The following CCSER1 variants were observed in gnomAD, a reference collection of about 807,000 sequenced individuals.
The protein encoded by CCSER1 is serine-rich coiled-coil domain-containing protein 1.
In CCSER1, 41 loss-of-function variants were observed where a neutral mutation model predicts 82.0. The ratio of observed to expected loss-of-function variants is 0.50; its 90% CI spans 0.39 to 0.65. CCSER1 has a LOEUF of 0.65. Among genes scored for constraint, CCSER1 ranks in the 30% least tolerant of loss-of-function variants. The pLI, the probability that CCSER1 is intolerant of heterozygous loss-of-function variation, is 0.00. For synonymous variants in CCSER1, 414 were observed against 383.9 expected, an observed-to-expected ratio of 1.08 and a Z score of -0.92; for missense variants, 1,119 against 1,064.2, an observed-to-expected ratio of 1.05 and a Z score of -0.72.
intron 8 of CCSER1, among the ~76,000 whole-genome samples, chr4:90,877,406 A>G (rs1767350274): frequency 6.6e-6 from 1 of 152,124 alleles, no homozygotes; most frequent in African/African-American, 2.4e-5. Flanking sequence ...GGAAAGTATA[A>G]TCAATTGAAA....
intron 10 of CCSER1, among the ~76,000 whole-genome samples, chr4:91,320,114 G>A (rs551564091): frequency 6.6e-6 from 1 of 152,120 alleles, no homozygotes; most frequent in Admixed American, 6.6e-5. Flanking sequence ...CACAGTGCTT[G>A]TATTCAGATC....
chr4:91,144,863 G>A (rs1323350549), intron 10 of CCSER1, among the ~76,000 whole-genome samples: 2 of 152,148 alleles, frequency 1.3e-5, no homozygotes, highest in East Asian at 3.9e-4. Flanking sequence ...AATTTGTTGA[G>A]ACTTGCTTTA....
chr4:90,540,727 C>T (rs1300907827), intron 5 of CCSER1, among the ~76,000 whole-genome samples: 1 of 151,952 alleles, frequency 6.6e-6, no homozygotes, highest in East Asian at 1.9e-4. Context: ...TTCAGCCAGA[C>T]CTGGGTTTCA....
At chr4:91,474,802 T>C (rs865825787) in intron 10 of CCSER1, among the ~76,000 whole-genome samples, 24 of 94,286 alleles carry the variant, frequency 2.5e-4, no homozygotes, top group African/African-American at 1.0e-3. Context: ...TATATATATA[T>C]ATATATATAT....
chr4:91,003,403 T>G (rs1206279017), intron 9 of CCSER1, among the ~76,000 whole-genome samples: 1 of 152,082 alleles, frequency 6.6e-6, no homozygotes, highest in Non-Finnish European at 1.5e-5. Context: ...TTACTGAGGC[T>G]GCTGTGGGGA....
intron 6 of CCSER1, among the ~76,000 whole-genome samples, chr4:90,691,596 CAT>C (rs1191204320): frequency 1.8e-5 from 2 of 108,486 alleles, no homozygotes; most frequent in Middle Eastern, 6.3e-3. Context: ...GAATATATCA[CAT>C]GTGTATATAT....
At chr4:91,503,135 G>A (rs942741691) in intron 10 of CCSER1, among the ~76,000 whole-genome samples, 3 of 152,026 alleles carry the variant, frequency 2.0e-5, no homozygotes, top group Non-Finnish European at 4.4e-5. Context: ...GAGGTCAGGA[G>A]ATCGAGACCA....
In CCSER1 at chr4:90,710,006, T is replaced by C. The variant is rs1285642982; in HGVS notation, c.1933-13908T>C. Among the ~76,000 whole-genome samples the C allele has an allele frequency of 2.6e-5, 4 of 151,038 alleles. No homozygotes were observed. In the East Asian group the frequency reaches 7.8e-4, roughly 30 times the overall value. ...CTGACTGGTGTGAGATGGTATCTCA[T>C]AGTGGTTTTGATTTGCATTTCTCTA... On this transcript the variant is annotated intron_variant, in intron 6 of 10. Coordinates refer to ENST00000509176, the MANE Select transcript of CCSER1 (RefSeq NM_001145065.2).
chr4:90,469,901 T>A lies in CCSER1; in HGVS notation c.1724+1547T>A, dbSNP rs145167193. Among the ~76,000 whole-genome samples the A allele has an allele frequency of 2.4e-4, 37 of 152,306 alleles. No homozygotes were observed. The South Asian group carries it at 5.4e-3, about 22-fold the overall frequency. ...AGATGTTTTCAGATTTTGCAATATT[T>A]GTATTATATTAGTTGAGCATCCTAA... is the stretch of plus-strand genomic sequence containing the variant. On this transcript the variant is annotated intron_variant, in intron 5 of 10. Transcript: ENST00000509176.
At chr4:90,598,093 A>T (rs2148731185) in intron 5 of CCSER1, among the ~76,000 whole-genome samples, 1 of 152,206 alleles carries the variant, frequency 6.6e-6, no homozygotes, top group East Asian at 1.9e-4. Context: ...ATGACACTGC[A>T]ATAAACATGA....
chr4:91,282,561 A>G (rs763385870), intron 10 of CCSER1, among the ~76,000 whole-genome samples: 1 of 152,146 alleles, frequency 6.6e-6, no homozygotes, highest in South Asian at 2.1e-4. Context: ...ATTCCAATAG[A>G]CCATAACCTC....
intron 9 of CCSER1, chr4:90,951,370 T>C (rs1246601002): frequency 1.3e-5 from 2 of 152,036 alleles, no homozygotes; most frequent in African/African-American, 2.4e-5. Flanking sequence ...CTTTGGGGTA[T>C]AAAAAGGAAG....
chr4:90,864,514 GT>G (rs1006516568), intron 8 of CCSER1, among the ~76,000 whole-genome samples: 1 of 151,946 alleles, frequency 6.6e-6, no homozygotes, highest in African/African-American at 2.4e-5. Flanking sequence ...CTCCTACCAT[GT>G]GATGACACAT....
chr4:90,809,761 G>A (rs1266132417), intron 7 of CCSER1, among the ~76,000 whole-genome samples: 1 of 151,866 alleles, frequency 6.6e-6, no homozygotes, highest in Non-Finnish European at 1.5e-5. Context: ...ATGTGGTGGT[G>A]CATGCCTGCA....
chr4:91,148,999 C>T (rs939214310), intron 10 of CCSER1, among the ~76,000 whole-genome samples: 2 of 121,646 alleles, frequency 1.6e-5, no homozygotes, highest in African/African-American at 5.9e-5. Flanking sequence ...GGTATATACC[C>T]AGCAGTGGGA....
At chr4:90,322,728 T>C (rs1579173463) in intron 3 of CCSER1, among the ~76,000 whole-genome samples, 1 of 152,326 alleles carries the variant, frequency 6.6e-6, no homozygotes, top group East Asian at 1.9e-4. Context: ...TAAATGGTAA[T>C]GCTTACCAGG....
chr4:90,889,573 A>G (rs1364798971), intron 8 of CCSER1, among the ~76,000 whole-genome samples: 1 of 152,156 alleles, frequency 6.6e-6, no homozygotes, highest in Non-Finnish European at 1.5e-5. Context: ...ATTTTTTTTA[A>G]TGAATAAATG....
chr4:91,570,023 T>A (rs1763094131), intron 10 of CCSER1, among the ~76,000 whole-genome samples: 1 of 152,072 alleles, frequency 6.6e-6, no homozygotes, highest in Non-Finnish European at 1.5e-5. Flanking sequence ...ATGGGAGAAA[T>A]TGGCCTAAAC....
intron 5 of CCSER1, among the ~76,000 whole-genome samples, chr4:90,478,059 T>C (rs889151941): frequency 2.0e-5 from 3 of 152,214 alleles, no homozygotes; most frequent in Non-Finnish European, 4.4e-5. Context: ...GCTAATTCTC[T>C]TAACTGTGAA....
Sources: gnomAD v4.1 joint callset for allele counts (sites outside exome capture counted in the v4.1 genomes callset) on GRCh38, gnomAD v4.1.1 for gene constraint, MANE v1.5 for transcripts, NCBI Gene and HGNC (gene_info 2026-07-23, HGNC 2026-07-21) for gene names.